Variants in ATG7 observed in about 807,000 individuals in gnomAD.
The protein encoded by ATG7 is autophagy related 7, also known as ubiquitin-like modifier-activating enzyme ATG7.
A neutral mutation model predicts 82.4 loss-of-function variants in ATG7; 70 were observed. That is an observed-to-expected ratio of 0.85 (90% CI 0.70 to 1.04). The LOEUF is 1.04. Ranked by LOEUF, ATG7 falls within the 50% of genes least tolerant of loss-of-function variation. ATG7 has a pLI of 0.00. For synonymous variants in ATG7, 287 were observed against 313.0 expected (o/e 0.92, Z 0.88); for missense variants, 792 against 864.3 (o/e 0.92, Z 1.05).
chr3:11,473,956 T>C (rs1034177064), intron 20 of ATG7, among the ~76,000 whole-genome samples: 1 of 152,248 alleles, frequency 6.6e-6, no homozygotes, highest in Admixed American at 6.5e-5. Context: ...AACTCCCTGA[T>C]AAGCACAGGT....
chr3:11,459,026 C>T (rs372883269), intron 20 of ATG7, among the ~76,000 whole-genome samples: 1 of 152,124 alleles, frequency 6.6e-6, no homozygotes. Flanking sequence ...CATCACCCCC[C>T]CATCTATGGA....
intron 20 of ATG7, among the ~76,000 whole-genome samples, chr3:11,530,267 G>A (rs1449509238): frequency 1.3e-5 from 2 of 152,186 alleles, no homozygotes; most frequent in Non-Finnish European, 1.5e-5. Context: ...GCAAGCAGTG[G>A]CATGCTCTCA....
intron 6 of ATG7, chr3:11,308,652 G>A (rs1040943337): frequency 3.3e-6 from 1 of 300,972 alleles, no homozygotes; most frequent in South Asian, 4.5e-5. Flanking sequence ...TAACCCTGAT[G>A]TGCCTGGTAT....
chr3:11,326,460 G>A (rs959020824), intron 9 of ATG7, among the ~76,000 whole-genome samples: 4 of 151,916 alleles, frequency 2.6e-5, no homozygotes, highest in Admixed American at 1.3e-4. Flanking sequence ...CATCATGCCC[G>A]GCTAATTTTT....
At chr3:11,444,176 T>C (rs902349624) in intron 20 of ATG7, among the ~76,000 whole-genome samples, 3 of 152,348 alleles carry the variant, frequency 2.0e-5, no homozygotes, top group Non-Finnish European at 4.4e-5. Context: ...ATGTAGTGTT[T>C]CATAATTGGA....
At chr3:11,574,783 A>ATGTGTGTGTGTGTGTGTGTG in the ATG7 span, among the ~76,000 whole-genome samples, 1 of 111,778 alleles carries the variant, frequency 8.9e-6, no homozygotes, top group Non-Finnish European at 1.9e-5. Flanking sequence ...ATTCAACTAT[A>ATGTGTGTGTGTGTGTGTGTG]TATGTGTGTG....
intron 20 of ATG7, among the ~76,000 whole-genome samples, chr3:11,512,794 G>C (rs866463912): frequency 9.2e-5 from 14 of 152,320 alleles, no homozygotes; most frequent in Admixed American, 2.6e-4. Flanking sequence ...GCCATTGCTG[G>C]CTCGGGCAGC....
intron 9 of ATG7, among the ~76,000 whole-genome samples, chr3:11,323,329 A>G (rs2152740587): frequency 6.6e-6 from 1 of 152,338 alleles, no homozygotes; most frequent in Middle Eastern, 3.4e-3. Context: ...GGCCAACTCC[A>G]GCACAACACT....
Position 11,385,234 on chromosome 3 carries a change from T to C in ATG7, c.1956+5182T>C, listed in dbSNP as rs527684651. Among the ~76,000 whole-genome samples the C allele has an allele frequency of 4.6e-5, 7 of 152,268 alleles. No individual in the cohort carries two copies. The South Asian group carries it at 1.5e-3, about 32-fold the overall frequency. On this transcript the variant is annotated intron_variant, in intron 19 of 20. Coordinates refer to ENST00000693202, the MANE Select transcript of ATG7 (RefSeq NM_001349232.2). Reference sequence around the variant, plus strand: ...CAGTAGAGACGGGGTTTCACCATGTTGGCCAGGTTGGTCTCAATCTCTTGA... The same window carrying C: ...CAGTAGAGACGGGGTTTCACCATGTCGGCCAGGTTGGTCTCAATCTCTTGA...
At chr3:11,545,122 G>A (rs1426072403) in intron 20 of ATG7, among the ~76,000 whole-genome samples, 5 of 152,154 alleles carry the variant, frequency 3.3e-5, no homozygotes, top group Non-Finnish European at 7.4e-5. Flanking sequence ...GGCTGCGGCC[G>A]CTGGAATCTG....
chr3:11,440,674 C>CATTT lies in ATG7; in HGVS notation c.2079+13748_2079+13749insATTT, dbSNP rs769737485. Among the ~76,000 whole-genome samples the CATTT allele has an allele frequency of 1.6e-3, 65 of 39,490 alleles. 3 individuals carry two copies. Among genetic ancestry groups the CATTT allele is most frequent in the African/African-American group, 6.5e-3 (60 of 9,206 alleles). 25.9% of individuals were successfully genotyped at this position (39,490 alleles called of 152,430 possible). ...TTAGGGAAGAGTTGGTCCCCATTTG[C>CATTT]TTTTTTTTTTTTTTTTTTTTTTTTT... On this transcript the variant is annotated intron_variant, in intron 20 of 20. Transcript: ENST00000693202.
chr3:11,573,275 GAAAGAAAGAAAGAAAGA>G, the ATG7 span, among the ~76,000 whole-genome samples: 6 of 16,396 alleles, frequency 3.7e-4, no homozygotes, highest in Non-Finnish European at 6.3e-4. Context: ...AAGAAAGAAA[GAAAGAAAGAAAGAAAGA>G]AAGAAAGAAA....
At chr3:11,533,748 A>T (rs1337082712) in intron 20 of ATG7, among the ~76,000 whole-genome samples, 1 of 152,150 alleles carries the variant, frequency 6.6e-6, no homozygotes, top group Non-Finnish European at 1.5e-5. Flanking sequence ...ATGTAGCCTT[A>T]CATTTTGAAC....
intron 20 of ATG7, among the ~76,000 whole-genome samples, chr3:11,465,322 G>C (rs1437910126): frequency 6.6e-6 from 1 of 151,900 alleles, no homozygotes; most frequent in Non-Finnish European, 1.5e-5. Flanking sequence ...GTGGGCACCT[G>C]TAGTCCCAGC....
At chr3:11,572,452 G>C in the ATG7 span, among the ~76,000 whole-genome samples, 3 of 152,080 alleles carry the variant, frequency 2.0e-5, no homozygotes, top group Non-Finnish European at 4.4e-5. Flanking sequence ...TATTTGCTTC[G>C]GGCCTTTTCT....
Position 11,315,381 on chromosome 3 carries a change from A to C in ATG7, c.566A>C (p.Gln189Pro). 4 of 1,608,848 alleles carry C rather than the reference A, an allele frequency of 2.5e-6. No individual in the cohort carries two copies. Among genetic ancestry groups the C allele is most frequent in the Non-Finnish European group, 3.4e-6 (4 of 1,178,264 alleles). Residue 189 changes from glutamine (Q) to proline (P), a missense_variant, in exon 9 of 21, where the codon CAA becomes CCA. Coordinates refer to ENST00000693202, the MANE Select transcript of ATG7 (RefSeq NM_001349232.2). Reference protein sequence around the residue: ...ALECAYDNLCQTEGVTALPYF... With the variant: ...ALECAYDNLCPTEGVTALPYF... ...GAGTGTGCATATGATAATCTTTGTC[A>C]AACAGAAGGAGTCACAGCTCTTCCT...
intron 18 of ATG7, among the ~76,000 whole-genome samples, chr3:11,367,861 T>C (rs1263134938): frequency 3.3e-5 from 5 of 151,462 alleles, no homozygotes; most frequent in African/African-American, 4.8e-5. Context: ...AAAAGAATGA[T>C]TAAAAAAAAT....
intron 20 of ATG7, among the ~76,000 whole-genome samples, chr3:11,475,385 T>C (rs545422250): frequency 2.5e-4 from 38 of 152,060 alleles, no homozygotes; most frequent in Admixed American, 8.5e-4. Context: ...GAGCATTCCT[T>C]AGTGAGGAAA....
chr3:11,380,217 A>G (rs1046541367), intron 19 of ATG7, among the ~76,000 whole-genome samples, 165 bp downstream of exon 19: 2 of 152,206 alleles, frequency 1.3e-5, no homozygotes, highest in South Asian at 2.1e-4. Flanking sequence ...ATCTGTATTC[A>G]TTCTCACAGT....
Sources: allele counts gnomAD v4.1 joint callset (sites outside exome capture counted in the v4.1 genomes callset), GRCh38; gene constraint gnomAD v4.1.1; transcripts MANE v1.5; gene names NCBI Gene and HGNC (gene_info 2026-07-23, HGNC 2026-07-21).